Variants in LRRTM3 observed in about 807,000 individuals in gnomAD.
LRRTM3 encodes leucine rich repeat transmembrane neuronal 3.
Under a neutral mutation model 44.7 loss-of-function variants are expected in LRRTM3, and 24 were observed. That is an observed-to-expected ratio of 0.54 (90% CI 0.39 to 0.76). The LOEUF (loss-of-function observed/expected upper bound fraction) is 0.76. Ranked by LOEUF, LRRTM3 falls within the 30% of genes least tolerant of loss-of-function variation. The pLI is 0.00. For missense variants in LRRTM3, 587 were observed against 702.2 expected (o/e 0.84, Z 1.85); for synonymous variants, 277 against 278.7 (o/e 0.99, Z 0.06).
At chr10:67,055,768 C>T (rs949379835) in intron 2 of LRRTM3, among the ~76,000 whole-genome samples, 1 of 152,030 alleles carries the variant, frequency 6.6e-6, no homozygotes, top group African/African-American at 2.4e-5. Context: ...AGATGTACCT[C>T]AAAGGTTCTT....
chr10:66,934,064 A>C (rs2086774470), intron 2 of LRRTM3, among the ~76,000 whole-genome samples: 1 of 152,098 alleles, frequency 6.6e-6, no homozygotes, highest in Non-Finnish European at 1.5e-5. Flanking sequence ...AATTCCAGGA[A>C]CACAGAGAGA....
At chr10:66,972,699 G>T (rs868254782) in intron 2 of LRRTM3, among the ~76,000 whole-genome samples, 3 of 111,828 alleles carry the variant, frequency 2.7e-5, no homozygotes, top group Middle Eastern at 5.0e-3. Context: ...CTGTCAAATA[G>T]ATTTTTTTTT....
chr10:66,935,603 C>T (rs560903740), intron 2 of LRRTM3, among the ~76,000 whole-genome samples: 1 of 151,828 alleles, frequency 6.6e-6, no homozygotes, highest in Non-Finnish European at 1.5e-5. Context: ...GTATTTCCAC[C>T]AAGGTACGTA....
intron 2 of LRRTM3, among the ~76,000 whole-genome samples, chr10:67,077,033 G>C (rs1856782992): frequency 6.6e-6 from 1 of 152,086 alleles, no homozygotes; most frequent in Admixed American, 6.6e-5. Flanking sequence ...GAAGATATTT[G>C]TGCATCCAGA....
chr10:67,086,540 C>G (rs1448414055), intron 2 of LRRTM3, among the ~76,000 whole-genome samples: 1 of 151,924 alleles, frequency 6.6e-6, no homozygotes, highest in East Asian at 1.9e-4. Context: ...CAAAGCAGGA[C>G]AAACTATTTT....
At chr10:66,934,405 A>C (rs917591333) in intron 2 of LRRTM3, among the ~76,000 whole-genome samples, 2 of 152,120 alleles carry the variant, frequency 1.3e-5, no homozygotes, top group Non-Finnish European at 2.9e-5. Flanking sequence ...TTATAAACCA[A>C]CACAATTCAG....
rs547781384 is a variant in LRRTM3, at chr10:66,935,602, C to A, written c.1536+7150C>A. Among the ~76,000 whole-genome samples the A allele has an allele frequency of 4.4e-4, 67 of 151,900 alleles. No individual in the cohort carries two copies. The South Asian group carries it at 0.014, about 31-fold the overall frequency. ...TATTACATACGTATTTGTATTTCCA[C>A]CAAGGTACGTATGTTGTACATGCCT... On this transcript the variant is annotated intron_variant, in intron 2 of 2. Transcript: ENST00000361320.
chr10:66,969,785 AC>A (rs1156802748), intron 2 of LRRTM3, among the ~76,000 whole-genome samples: 2 of 152,134 alleles, frequency 1.3e-5, no homozygotes, highest in Non-Finnish European at 2.9e-5. Context: ...GAGCTGCCTC[AC>A]ATTTGAGGAG....
intron 2 of LRRTM3, among the ~76,000 whole-genome samples, chr10:66,957,459 T>TATATATATATGC (rs1564794111): frequency 0.039 from 962 of 24,674 alleles, 15 homozygotes; most frequent in Admixed American, 0.15. Context: ...TATATATGCA[T>TATATATATATGC]ATATATATAT....
Position 66,926,451 on chromosome 10 carries a change from C to T in LRRTM3, c.-133C>T, listed in dbSNP as rs1217036524. Reference sequence around the variant, plus strand: ...AATGTTCCAAAATCGGTCCATCTCCCAAGGGGTCCAATTTTTCTTCCTGGG... The same window carrying T: ...AATGTTCCAAAATCGGTCCATCTCCTAAGGGGTCCAATTTTTCTTCCTGGG... On this transcript the variant is annotated 5_prime_UTR_variant, in exon 1 of 3. It introduces an in-frame stop codon into an upstream open reading frame of the 5' UTR. Coordinates refer to ENST00000361320, the MANE Select transcript of LRRTM3 (RefSeq NM_178011.5). The T allele has an allele frequency of 1.0e-6, 1 of 979,430 alleles. No homozygotes were observed. The highest frequency in any genetic ancestry group is 1.6e-6 in the Non-Finnish European group (1 of 628,686). 60.7% of individuals were successfully genotyped at this position (979,430 alleles called of 1,614,324 possible). A position where few individuals can be genotyped will look rare whatever the true frequency, so the allele number is the denominator to read the frequency against.
chr10:67,070,469 C>T (rs921600690), intron 2 of LRRTM3, among the ~76,000 whole-genome samples: 21 of 151,966 alleles, frequency 1.4e-4, no homozygotes, highest in East Asian at 5.8e-4. Context: ...ATCCTTGTGG[C>T]GGGGAGCAGT....
intron 2 of LRRTM3, among the ~76,000 whole-genome samples, chr10:67,060,423 T>C (rs1370561258): frequency 6.6e-6 from 1 of 152,234 alleles, no homozygotes; most frequent in Non-Finnish European, 1.5e-5. Context: ...AGCACTTTCA[T>C]GAAATTTTAA....
intron 2 of LRRTM3, among the ~76,000 whole-genome samples, chr10:66,946,626 C>T (rs369527402): frequency 1.8e-4 from 27 of 152,184 alleles, no homozygotes; most frequent in Non-Finnish European, 2.9e-4. Context: ...TTTACATAAA[C>T]GCAATCATAA....
chr10:67,064,285 A>G (rs1855934600), intron 2 of LRRTM3, among the ~76,000 whole-genome samples: 1 of 152,126 alleles, frequency 6.6e-6, no homozygotes, highest in Non-Finnish European at 1.5e-5. Flanking sequence ...CTGAAGCTAC[A>G]CTATGTATTA....
At chr10:67,036,871 G>A (rs1257552931) in intron 2 of LRRTM3, among the ~76,000 whole-genome samples, 1 of 151,752 alleles carries the variant, frequency 6.6e-6, no homozygotes, top group Admixed American at 6.6e-5. Context: ...ATAAAACATT[G>A]GATAAAAATT....
chr10:67,049,990 T>A (rs1589661962), intron 2 of LRRTM3, among the ~76,000 whole-genome samples: 1 of 152,228 alleles, frequency 6.6e-6, no homozygotes, highest in East Asian at 1.9e-4. Flanking sequence ...AAATGTATTA[T>A]TTAATGCAGT....
chr10:67,077,000 G>A (rs1189215356), intron 2 of LRRTM3, among the ~76,000 whole-genome samples: 8 of 152,164 alleles, frequency 5.3e-5, no homozygotes, highest in African/African-American at 1.7e-4. Flanking sequence ...ATTGTCTCTT[G>A]TTTCAGGCAA....
At chr10:66,940,547 T>A (rs1847944230) in intron 2 of LRRTM3, among the ~76,000 whole-genome samples, 1 of 152,210 alleles carries the variant, frequency 6.6e-6, no homozygotes, top group South Asian at 2.1e-4. Context: ...GGTTAACTAA[T>A]CTATAATTAA....
chr10:66,972,633 T>A (rs968996984), intron 2 of LRRTM3, among the ~76,000 whole-genome samples: 1 of 151,432 alleles, frequency 6.6e-6, no homozygotes, highest in Non-Finnish European at 1.5e-5. Context: ...AAGTAAGACA[T>A]GAACATAAGC....
Sources: gnomAD v4.1 joint callset for allele counts (sites outside exome capture counted in the v4.1 genomes callset) on GRCh38, gnomAD v4.1.1 for gene constraint, MANE v1.5 for transcripts, NCBI Gene and HGNC (gene_info 2026-07-23, HGNC 2026-07-21) for gene names.